TRPC4: variants seen among roughly 807,000 people sequenced by gnomAD.
TRPC4 encodes transient receptor potential cation channel subfamily C member 4.
Under a neutral mutation model 99.4 loss-of-function variants are expected in TRPC4, and 49 were observed. That is an observed-to-expected ratio of 0.49 (90% CI 0.39 to 0.63). The LOEUF (loss-of-function observed/expected upper bound fraction) is 0.63, where lower values mean the gene tolerates loss of function less well. Ranked by LOEUF, TRPC4 falls within the 20% of genes least tolerant of loss-of-function variation. TRPC4 has a pLI of 0.00. For synonymous variants in TRPC4, 454 were observed against 425.9 expected (o/e 1.07, Z -0.81); for missense variants, 898 against 1,152.9 (o/e 0.78, Z 3.20).
chr13:37,745,471 TATACAC>T (rs1259571045), intron 3 of TRPC4, among the ~76,000 whole-genome samples: 966 of 4,464 alleles, frequency 0.22, 12 homozygotes, highest in Admixed American at 0.33. Context: ...TATATATATA[TATACAC>T]ACACACACAC....
intron 2 of TRPC4, among the ~76,000 whole-genome samples, chr13:37,750,489 T>C (rs1481211772): frequency 1.3e-5 from 2 of 152,184 alleles, no homozygotes; most frequent in Non-Finnish European, 2.9e-5. Flanking sequence ...TTTTGTCTAA[T>C]GCCTTTTCTG....
chr13:37,763,401 G>A (rs2039434), intron 2 of TRPC4, among the ~76,000 whole-genome samples: 150,100 of 151,574 alleles, frequency 0.99, 74,340 homozygotes, highest in Middle Eastern at 1. Context: ...AATAGAAAAC[G>A]AGGCATCACC....
At chr13:37,695,109 T>C (rs1456748094) in intron 3 of TRPC4, among the ~76,000 whole-genome samples, 1 of 152,068 alleles carries the variant, frequency 6.6e-6, no homozygotes, top group Non-Finnish European at 1.5e-5. Context: ...GTAACATAGA[T>C]TAAATCACTT....
chr13:37,782,213 T>C (rs1956860001), intron 2 of TRPC4, among the ~76,000 whole-genome samples: 1 of 152,062 alleles, frequency 6.6e-6, no homozygotes, highest in African/African-American at 2.4e-5. Flanking sequence ...AACAGACTCC[T>C]TATTCATTCC....
intron 3 of TRPC4, among the ~76,000 whole-genome samples, chr13:37,714,291 T>C (rs9548032): frequency 0.24 from 36,236 of 151,932 alleles, 4,727 homozygotes; most frequent in Admixed American, 0.32. Flanking sequence ...CATGCCCGGC[T>C]AATTTTTGTA....
At chr13:37,752,053 C>A in intron 2 of TRPC4, among the ~76,000 whole-genome samples, 2 of 58,820 alleles carry the variant, frequency 3.4e-5, no homozygotes, top group African/African-American at 6.0e-5. Context: ...ACATTGATAC[C>A]AAAACCTGAT....
intron 3 of TRPC4, among the ~76,000 whole-genome samples, chr13:37,735,221 T>C (rs1705674792): frequency 6.6e-6 from 1 of 152,094 alleles, no homozygotes; most frequent in Non-Finnish European, 1.5e-5. Context: ...AGTAAAAACA[T>C]TCCCTCTCAC....
At chr13:37,710,137 T>A (rs767929243) in intron 3 of TRPC4, among the ~76,000 whole-genome samples, 1 of 152,078 alleles carries the variant, frequency 6.6e-6, no homozygotes, top group Admixed American at 6.6e-5. Flanking sequence ...ATAAACATGA[T>A]CATGAAATAT....
chr13:37,845,874 T>C (rs1593308432), intron 1 of TRPC4, among the ~76,000 whole-genome samples: 1 of 152,110 alleles, frequency 6.6e-6, no homozygotes, highest in East Asian at 1.9e-4. Flanking sequence ...AGATACATTA[T>C]AATCAAATTA....
chr13:37,818,673 C>T (rs1046183908), intron 1 of TRPC4, among the ~76,000 whole-genome samples: 2 of 151,956 alleles, frequency 1.3e-5, no homozygotes, highest in African/African-American at 4.8e-5. Context: ...AAGCTGGAAA[C>T]CATCATTCTC....
intron 1 of TRPC4, among the ~76,000 whole-genome samples, chr13:37,828,013 C>G (rs370184814): frequency 1.3e-5 from 2 of 152,168 alleles, no homozygotes; most frequent in African/African-American, 2.4e-5. Context: ...GTGCAGTACT[C>G]GGGTGGGAGT....
chr13:37,641,168 G>A (rs181940937), intron 8 of TRPC4, among the ~76,000 whole-genome samples: 27 of 152,018 alleles, frequency 1.8e-4, no homozygotes, highest in Admixed American at 6.6e-4. Flanking sequence ...CTCATCCAAC[G>A]TCAAAAAATT....
At chr13:37,680,548 T>C (rs1481969888) in intron 4 of TRPC4, among the ~76,000 whole-genome samples, 1 of 152,190 alleles carries the variant, frequency 6.6e-6, no homozygotes, top group Non-Finnish European at 1.5e-5. Context: ...CCAAAAGCAG[T>C]CATCACAATC....
intron 1 of TRPC4, among the ~76,000 whole-genome samples, chr13:37,798,913 T>C (rs552251400): frequency 2.1e-5 from 3 of 146,166 alleles, no homozygotes; most frequent in Non-Finnish European, 3.0e-5. Context: ...TGAGAGACCA[T>C]CTCAATAAAG....
intron 1 of TRPC4, among the ~76,000 whole-genome samples, chr13:37,833,550 C>A (rs1593284898): frequency 1.3e-5 from 2 of 152,314 alleles, no homozygotes; most frequent in African/African-American, 4.8e-5. Context: ...AAGAGACAGA[C>A]TGTGCTTCCT....
At chr13:37,815,443 A>G (rs1220637254) in intron 1 of TRPC4, among the ~76,000 whole-genome samples, 1 of 151,888 alleles carries the variant, frequency 6.6e-6, no homozygotes, top group African/African-American at 2.4e-5. Flanking sequence ...AACAAACAGA[A>G]AACTGAAAAA....
intron 3 of TRPC4, among the ~76,000 whole-genome samples, chr13:37,732,574 C>T (rs759141992): frequency 6.6e-6 from 1 of 152,062 alleles, no homozygotes; most frequent in Non-Finnish European, 1.5e-5. Context: ...ACCATAAAGG[C>T]TTCACAAAAA....
intron 5 of TRPC4, among the ~76,000 whole-genome samples, chr13:37,673,955 G>A (rs1566086445): frequency 6.6e-6 from 1 of 152,112 alleles, no homozygotes; most frequent in Non-Finnish European, 1.5e-5. Flanking sequence ...AACTAGAGCA[G>A]TTACTGTGAA....
chr13:37,749,626 A>G (rs180781074), intron 2 of TRPC4, among the ~76,000 whole-genome samples: 1 of 152,280 alleles, frequency 6.6e-6, no homozygotes, highest in African/African-American at 2.4e-5. Context: ...GTTACGGAGT[A>G]CTAACTATAT....
Sources: allele counts gnomAD v4.1 joint callset (sites outside exome capture counted in the v4.1 genomes callset), GRCh38; gene constraint gnomAD v4.1.1; transcripts MANE v1.5; gene names NCBI Gene and HGNC (gene_info 2026-07-23, HGNC 2026-07-21).